Variants in GLI3 observed in about 807,000 individuals in gnomAD.
The protein encoded by GLI3 is transcription activator GLI3.
GLI3 carries 20 observed loss-of-function variants against 100.8 expected under a neutral mutation model. The ratio of observed to expected loss-of-function variants is 0.20; its 90% CI spans 0.14 to 0.29. The LOEUF (loss-of-function observed/expected upper bound fraction) is 0.29. Ranked by LOEUF, GLI3 falls within the 10% of genes least tolerant of loss-of-function variation. The probability of loss-of-function intolerance (pLI) is 1.00; values close to 1 mark genes in which losing one functional copy is unlikely to be tolerated. For missense variants in GLI3, 2,040 were observed against 2,128.5 expected, an observed-to-expected ratio of 0.96 and a Z score of 0.82; for synonymous variants, 938 against 860.5, an observed-to-expected ratio of 1.09 and a Z score of -1.58.
intron 4 of GLI3, among the ~76,000 whole-genome samples, chr7:42,069,455 C>A (rs141055349): frequency 6.6e-6 from 1 of 152,082 alleles, no homozygotes; most frequent in African/African-American, 2.4e-5. Flanking sequence ...ATGTAGGTGG[C>A]CTAAGATAGT....
chr7:41,965,116 T>C lies in GLI3; in HGVS notation c.3957A>G (p.Gly1319=), dbSNP rs768300131. ...VNGMQNQDPV[G]QGYLAHQLLG... Reference sequence around the variant, plus strand: ...GGAGCTGGTGAGCCAGGTACCCCTGTCCCACTGGGTCCTGGTTCTGCATGC... The same window carrying C: ...GGAGCTGGTGAGCCAGGTACCCCTGCCCCACTGGGTCCTGGTTCTGCATGC... Residue 1319 remains glycine (G), a synonymous_variant, in exon 15 of 15, where the codon GGA becomes GGG. Coordinates refer to ENST00000395925, the MANE Select transcript of GLI3 (RefSeq NM_000168.6). 6.2e-6 allele frequency: 10 copies of C among 1,613,610 alleles called. No homozygotes were observed. In the African/African-American group the frequency reaches 1.2e-4, roughly 19 times the overall value.
At chr7:42,203,363 TC>T (rs1350199151) in intron 2 of GLI3, among the ~76,000 whole-genome samples, 2 of 152,172 alleles carry the variant, frequency 1.3e-5, no homozygotes, top group African/African-American at 2.4e-5. Flanking sequence ...TAATTTTGTA[TC>T]CTTTGACCAA....
chr7:42,207,307 T>G (rs776498972), intron 2 of GLI3, among the ~76,000 whole-genome samples: 17 of 152,230 alleles, frequency 1.1e-4, no homozygotes, highest in Non-Finnish European at 2.2e-4. Flanking sequence ...TTTCTTGACC[T>G]GGGCTCTGTT....
In GLI3 at chr7:41,964,208, CAGTT is replaced by C. The variant is rs1183781240; in HGVS notation, c.*118_*121del. ...AAAGGAATATAATTGAAACACATCT[CAGTT>C]AGGTGAGATGAGATTGCTAAAATAC... On this transcript the variant is annotated 3_prime_UTR_variant, in exon 15 of 15. Coordinates refer to ENST00000395925, the MANE Select transcript of GLI3 (RefSeq NM_000168.6). The C allele has an allele frequency of 2.5e-5, 19 of 756,814 alleles. No individual in the cohort carries two copies. The highest frequency in any genetic ancestry group is 3.4e-5 in the Non-Finnish European group (15 of 444,580). The allele number at this position is 756,814 out of a possible 1,614,324, so 46.9% of individuals were successfully genotyped here.
intron 10 of GLI3, among the ~76,000 whole-genome samples, chr7:42,021,914 A>G (rs967672611): frequency 1.3e-5 from 2 of 152,230 alleles, no homozygotes; most frequent in African/African-American, 4.8e-5. Context: ...AATAAAACAA[A>G]AATTCCAAAC....
intron 13 of GLI3, among the ~76,000 whole-genome samples, chr7:41,969,654 G>A (rs146317136): frequency 1.2e-3 from 182 of 152,318 alleles, no homozygotes; most frequent in African/African-American, 3.6e-3. Context: ...TTTGACTCCT[G>A]GACTGTCAAA....
chr7:42,003,271 A>G (rs1788360582), intron 10 of GLI3, among the ~76,000 whole-genome samples: 1 of 152,230 alleles, frequency 6.6e-6, no homozygotes, highest in Non-Finnish European at 1.5e-5. Flanking sequence ...TGTATTATTT[A>G]AAAAGAAAGA....
At chr7:42,060,274 T>C (rs1034535149) in intron 4 of GLI3, among the ~76,000 whole-genome samples, 6 of 152,184 alleles carry the variant, frequency 3.9e-5, no homozygotes, top group Non-Finnish European at 1.5e-5. Flanking sequence ...CGTTGCCTTG[T>C]TGAGTACTGA....
intron 3 of GLI3, among the ~76,000 whole-genome samples, chr7:42,119,218 C>T (rs1367097315): frequency 2.0e-5 from 3 of 152,230 alleles, no homozygotes; most frequent in African/African-American, 7.2e-5. Context: ...CCTGTGTCTA[C>T]ATTTCTATGT....
intron 3 of GLI3, among the ~76,000 whole-genome samples, chr7:42,120,176 C>T (rs1167445671): frequency 6.6e-6 from 1 of 152,198 alleles, no homozygotes. Context: ...TAAAAAATAT[C>T]AGCTTTCCAT....
chr7:42,261,382 G>A (rs1412865225), intron 1 of GLI3, among the ~76,000 whole-genome samples: 2 of 151,966 alleles, frequency 1.3e-5, no homozygotes, highest in Non-Finnish European at 2.9e-5. Flanking sequence ...TCCAGCATGG[G>A]GATTACATTT....
At chr7:42,082,640 T>A (rs1241394699) in intron 3 of GLI3, among the ~76,000 whole-genome samples, 2 of 152,104 alleles carry the variant, frequency 1.3e-5, no homozygotes, top group African/African-American at 2.4e-5. Flanking sequence ...TTATGTGGGG[T>A]TAGAAACTCC....
chr7:42,246,252 C>T (rs1359243924), intron 1 of GLI3, among the ~76,000 whole-genome samples: 1 of 152,182 alleles, frequency 6.6e-6, no homozygotes, highest in African/African-American at 2.4e-5. Flanking sequence ...AAGACTATGC[C>T]ATGCCCATTA....
intron 10 of GLI3, among the ~76,000 whole-genome samples, chr7:41,996,807 G>GC (rs1358565852): frequency 6.6e-6 from 1 of 152,120 alleles, no homozygotes; most frequent in Non-Finnish European, 1.5e-5. Flanking sequence ...TTTTATGCAT[G>GC]CTTGGGGGAA....
chr7:42,195,699 T>C (rs1320524920), intron 2 of GLI3, among the ~76,000 whole-genome samples: 1 of 152,190 alleles, frequency 6.6e-6, no homozygotes, highest in African/African-American at 2.4e-5. Context: ...CCAGACCATC[T>C]ATTCCCTAAG....
Position 41,972,079 on chromosome 7 carries a change from A to T in GLI3, c.2103+258T>A, listed in dbSNP as rs913357756. ...CATTACAGACACGCTGGAGAGACAG[A>T]CAGTCGTGTCTTTCTTCCTTCCATG... is the stretch of plus-strand genomic sequence containing the variant. On this transcript the variant is annotated intron_variant, in intron 13 of 14. Transcript: ENST00000395925. The surrounding 1 kb of genome is among the most constrained non-coding windows in gnomAD (Gnocchi z 4.4). Among the ~76,000 whole-genome samples the T allele has an allele frequency of 2.6e-5, 4 of 152,354 alleles. No homozygotes were observed. In the East Asian group the frequency reaches 5.8e-4, roughly 22 times the overall value.
intron 10 of GLI3, among the ~76,000 whole-genome samples, chr7:42,021,861 G>A (rs982083414): frequency 2.0e-4 from 30 of 152,166 alleles, no homozygotes; most frequent in African/African-American, 7.0e-4. Flanking sequence ...ATATCACTAA[G>A]GATACACATA....
At chr7:42,248,572 C>T (rs1360025690) in intron 1 of GLI3, among the ~76,000 whole-genome samples, 1 of 152,174 alleles carries the variant, frequency 6.6e-6, no homozygotes, top group African/African-American at 2.4e-5. Context: ...AGGGCTGTGG[C>T]TCCATCTTTC....
intron 2 of GLI3, chr7:42,151,312 C>T (rs1043036211): frequency 3.3e-5 from 5 of 152,166 alleles, no homozygotes; most frequent in African/African-American, 1.2e-4. Context: ...CAAACAGCTA[C>T]GAGGCTTGAA....
Sources: allele counts gnomAD v4.1 joint callset (sites outside exome capture counted in the v4.1 genomes callset), GRCh38; gene constraint gnomAD v4.1.1; non-coding constraint Gnocchi (gnomAD v3.1); transcripts MANE v1.5; gene names NCBI Gene and HGNC (gene_info 2026-07-23, HGNC 2026-07-21).